The following PCDH9 variants were observed in gnomAD, a reference collection of about 807,000 sequenced individuals.
PCDH9 encodes the protein protocadherin 9.
In PCDH9, 24 loss-of-function variants were observed where a neutral mutation model predicts 70.6. The ratio of observed to expected loss-of-function variants is 0.34; its 90% CI spans 0.25 to 0.48. The LOEUF is 0.48. Ranked by LOEUF, PCDH9 falls within the 20% of genes least tolerant of loss-of-function variation. PCDH9 has a pLI of 0.99. For missense variants in PCDH9, 1,281 were observed against 1,503.6 expected (o/e 0.85, Z 2.45); for synonymous variants, 562 against 558.5 (o/e 1.01, Z -0.09).
intron 2 of PCDH9, among the ~76,000 whole-genome samples, chr13:67,073,650 A>G (rs957633292): frequency 6.6e-6 from 1 of 152,086 alleles, no homozygotes; most frequent in African/African-American, 2.4e-5. Flanking sequence ...TGAAGATCTA[A>G]AACTTTTGAG....
chr13:66,976,042 C>T (rs1307177072), intron 2 of PCDH9, among the ~76,000 whole-genome samples: 1 of 151,842 alleles, frequency 6.6e-6, no homozygotes, highest in African/African-American at 2.4e-5. Flanking sequence ...AAAATAGGGC[C>T]TTCAAGAAAA....
chr13:66,363,952 C>T (rs532994036), intron 4 of PCDH9, among the ~76,000 whole-genome samples: 340 of 152,056 alleles, frequency 2.2e-3, no homozygotes, highest in Admixed American at 4.1e-3. Context: ...GTCAGGAGTT[C>T]GAGACCAGCC....
At chr13:67,218,576 G>A (rs1320963334) in intron 2 of PCDH9, 1 of 152,060 alleles carries the variant, frequency 6.6e-6, no homozygotes, top group East Asian at 1.9e-4. Flanking sequence ...CAAATGCAGA[G>A]ATGGTTGGAT....
intron 2 of PCDH9, among the ~76,000 whole-genome samples, chr13:67,117,816 CAT>C (rs1330294331): frequency 6.6e-6 from 1 of 152,014 alleles, no homozygotes; most frequent in Non-Finnish European, 1.5e-5. Context: ...ATAAAAATGT[CAT>C]ATCTCAAATA....
intron 4 of PCDH9, among the ~76,000 whole-genome samples, chr13:66,610,168 T>G (rs570666410): frequency 8.3e-4 from 127 of 152,122 alleles, no homozygotes; most frequent in Non-Finnish European, 1.6e-3. Context: ...ATATTATTAC[T>G]AATGCATCAA....
chr13:66,813,734 C>T (rs77964278), intron 3 of PCDH9, among the ~76,000 whole-genome samples: 1,537 of 152,142 alleles, frequency 0.01, 25 homozygotes, highest in African/African-American at 0.035. Context: ...TTATTGTCAA[C>T]CATGCTGTAC....
At chr13:66,906,871 A>G (rs1024689628) in intron 2 of PCDH9, among the ~76,000 whole-genome samples, 9 of 152,140 alleles carry the variant, frequency 5.9e-5, no homozygotes, top group African/African-American at 2.2e-4. Flanking sequence ...ACAAATTTCT[A>G]CTTCCGGGAG....
intron 4 of PCDH9, among the ~76,000 whole-genome samples, chr13:66,596,709 G>C (rs2077107329): frequency 6.6e-6 from 1 of 151,322 alleles, no homozygotes; most frequent in African/African-American, 2.4e-5. Flanking sequence ...AGAAATATTT[G>C]AAATCTATAT....
At chr13:66,604,546 C>A (rs2077199578) in intron 4 of PCDH9, among the ~76,000 whole-genome samples, 1 of 151,906 alleles carries the variant, frequency 6.6e-6, no homozygotes. Flanking sequence ...CCAAAATTAG[C>A]ATATCTTTCC....
chr13:66,789,795 A>C (rs1295267864), intron 3 of PCDH9, among the ~76,000 whole-genome samples: 1 of 152,070 alleles, frequency 6.6e-6, no homozygotes, highest in Non-Finnish European at 1.5e-5. Flanking sequence ...TAAGAATAGA[A>C]TTTTTGTCAG....
At chr13:66,342,541 C>T (rs938502397) in intron 4 of PCDH9, among the ~76,000 whole-genome samples, 2 of 152,114 alleles carry the variant, frequency 1.3e-5, no homozygotes, top group African/African-American at 2.4e-5. Context: ...GTTTATGAAA[C>T]TTGACTGAGG....
chr13:66,365,719 A>C (rs1444898293), intron 4 of PCDH9, among the ~76,000 whole-genome samples: 1 of 152,184 alleles, frequency 6.6e-6, no homozygotes, highest in Admixed American at 6.6e-5. Flanking sequence ...TTAATTATTT[A>C]GCCTGTAATT....
chr13:66,382,284 G>A (rs957790730), intron 4 of PCDH9, among the ~76,000 whole-genome samples: 4 of 152,158 alleles, frequency 2.6e-5, no homozygotes, highest in Non-Finnish European at 5.9e-5. Flanking sequence ...ATTGTTTGAA[G>A]TGAATCTAAT....
chr13:66,457,479 G>A (rs929626073), intron 4 of PCDH9, among the ~76,000 whole-genome samples: 4 of 152,000 alleles, frequency 2.6e-5, no homozygotes, highest in African/African-American at 9.6e-5. Flanking sequence ...CAAATAGAAA[G>A]GTTGTTCATC....
At chr13:67,225,101 A>G in intron 2 of PCDH9, 1 of 1,246,910 alleles carries the variant, frequency 8.0e-7, no homozygotes, top group East Asian at 3.8e-5. Flanking sequence ...TTGGCATATC[A>G]GGACAGGTTT....
At position 66,905,031 on chromosome 13, in the gene PCDH9, T is replaced by C. The variant is rs948643140; in HGVS notation, c.3037-1426A>G. Among the ~76,000 whole-genome samples, 86 of 152,190 alleles carry C rather than the reference T, an allele frequency of 5.7e-4. 1 individual carries two copies. The highest frequency in any genetic ancestry group is 1.9e-3 in the African/African-American group (79 of 41,566). Reference sequence around the variant, plus strand: ...TTTTCATGCGTCATTCAACAAATGGTGATTGCCATTTTAACCTCTGTTTCT... The same window carrying C: ...TTTTCATGCGTCATTCAACAAATGGCGATTGCCATTTTAACCTCTGTTTCT... On this transcript the variant is annotated intron_variant, in intron 2 of 4. Transcript: ENST00000377865.
intron 2 of PCDH9, among the ~76,000 whole-genome samples, chr13:66,905,231 A>T (rs1231879669): frequency 6.6e-6 from 1 of 151,956 alleles, no homozygotes; most frequent in Non-Finnish European, 1.5e-5. Context: ...TTCATCTGTG[A>T]TGTCCATAGA....
intron 4 of PCDH9, among the ~76,000 whole-genome samples, chr13:66,546,350 T>C (rs377742822): frequency 6.6e-5 from 10 of 152,160 alleles, no homozygotes; most frequent in East Asian, 3.9e-4. Context: ...CCTGACCTTA[T>C]AGGCCTAGGC....
chr13:66,320,940 G>A (rs998684954), intron 4 of PCDH9, among the ~76,000 whole-genome samples: 10 of 152,094 alleles, frequency 6.6e-5, no homozygotes, highest in African/African-American at 2.4e-4. Flanking sequence ...TGGGGACCAA[G>A]TTTCTTTTCC....
Sources: allele counts gnomAD v4.1 joint callset (sites outside exome capture counted in the v4.1 genomes callset), GRCh38; gene constraint gnomAD v4.1.1; transcripts MANE v1.5; gene names NCBI Gene and HGNC (gene_info 2026-07-23, HGNC 2026-07-21).